The following TRANK1 variants were observed in gnomAD, a reference collection of about 807,000 sequenced individuals.
TRANK1 encodes the protein tetratricopeptide repeat and ankyrin repeat containing 1.
TRANK1 carries 198 observed loss-of-function variants against 266.0 expected under a neutral mutation model. That is an observed-to-expected ratio of 0.74 (90% confidence interval 0.66 to 0.84). TRANK1 has a LOEUF of 0.84. Ranked by LOEUF, TRANK1 falls within the 40% of genes least tolerant of loss-of-function variation. TRANK1 has a pLI of 0.00. For synonymous variants in TRANK1, 1,396 were observed against 1,384.1 expected, an observed-to-expected ratio of 1.01 and a Z score of -0.19; for missense variants, 3,326 against 3,634.6, an observed-to-expected ratio of 0.92 and a Z score of 2.18.
Position 36,834,762 on chromosome 3 carries a change from T to G in TRANK1, c.5663A>C (p.Lys1888Thr), listed in dbSNP as rs1177286682. Residue 1888 changes from lysine (K) to threonine (T), a missense_variant and splice_region_variant, in exon 21 of 24, where the codon AAG becomes ACG. Physicochemically the swap from Lys to Thr is moderately conservative, Grantham distance 78. Coordinates refer to ENST00000645898, the MANE Select transcript of TRANK1 (RefSeq NM_001329998.2). ...AAAGGGAGAGAATAAAACCACCTAC[T>G]TTTCCACTGCAATAGCAGCTTCTTC... ...LFEEAAIAVE[K>T]YEEMLKTKTL... The G allele has an allele frequency of 5.0e-6, 8 of 1,609,202 alleles. No homozygotes were observed. The East Asian group carries it at 1.1e-4, about 23-fold the overall frequency.
intron 3 of TRANK1, among the ~76,000 whole-genome samples, chr3:36,901,101 G>GTTTTTTTTTT: frequency 7.3e-6 from 1 of 136,990 alleles, no homozygotes; most frequent in Non-Finnish European, 1.6e-5. Flanking sequence ...ATTCAAGGTT[G>GTTTTTTTTTT]TTTTTTTTTT....
Position 36,831,149 on chromosome 3 carries a change from C to A in TRANK1, c.8434G>T (p.Glu2812Ter). 6.2e-7 allele frequency: 1 copy of A among 1,614,042 alleles called. No individual in the cohort carries two copies. The highest frequency in any genetic ancestry group is 8.5e-7 in the Non-Finnish European group (1 of 1,179,904). The change falls in exon 22 of 24, where the codon GAG (glutamate) becomes TAG (stop). Residue 2812 changes from glutamate (E) to a stop codon, truncating the protein, a stop_gained. Coordinates refer to ENST00000645898, the MANE Select transcript of TRANK1 (RefSeq NM_001329998.2). LOFTEE classifies it high-confidence loss of function. This position sits in a 1 kb window ranked among gnomAD's most constrained non-coding sequence, Gnocchi z 5.0. ...RAELEREECQ[E>*]RNSESYEQHI... Reference sequence around the variant, plus strand: ...TGCTCGTAAGACTCGCTGTTCCTCTCCTGACACTCCTCCCTTTCCAGCTCA... The same window carrying A: ...TGCTCGTAAGACTCGCTGTTCCTCTACTGACACTCCTCCCTTTCCAGCTCA...
At chr3:36,867,451 G>C (rs2079242916) in intron 9 of TRANK1, among the ~76,000 whole-genome samples, 1 of 152,222 alleles carries the variant, frequency 6.6e-6, no homozygotes, top group South Asian at 2.1e-4. Flanking sequence ...TTATAGATGA[G>C]CGAAAGATTC....
intron 3 of TRANK1, among the ~76,000 whole-genome samples, chr3:36,900,072 C>T (rs2079852699): frequency 6.6e-6 from 1 of 152,200 alleles, no homozygotes; most frequent in Non-Finnish European, 1.5e-5. Context: ...ATTGCCCAAA[C>T]TGGTCTTGAA....
At chr3:36,849,021 A>C (rs2078952198) in intron 15 of TRANK1, among the ~76,000 whole-genome samples, 1 of 152,198 alleles carries the variant, frequency 6.6e-6, no homozygotes, top group Non-Finnish European at 1.5e-5. Context: ...GCGCTTATGT[A>C]CTTGTAGCAA....
chr3:36,857,160 G>T lies in TRANK1; in HGVS notation c.2562C>A (p.Val854=). The change falls in exon 13 of 24, where the codon GTC becomes GTA. Residue 854 remains valine, a synonymous_variant. Transcript: ENST00000645898. This position sits in a 1 kb window ranked among gnomAD's most constrained non-coding sequence, Gnocchi z 4.3. ...KKLSSKVMTK[V]IKKKIILAIQ... ...TGGCAAGGATGATTTTCTTCTTGAT[G>T]ACCTTGGTCATTACCTTACTAGACA... The T allele has an allele frequency of 6.2e-7, 1 of 1,613,956 alleles. No individual in the cohort carries two copies. Among genetic ancestry groups the T allele is most frequent in the South Asian group, 1.1e-5 (1 of 91,072 alleles).
chr3:36,834,964 T>C, intron 20 of TRANK1, 57 bp from the exon 21 acceptor site: 1 of 1,455,124 alleles, frequency 6.9e-7, no homozygotes, highest in East Asian at 2.4e-5. Flanking sequence ...CTTTCTAATC[T>C]TAAACCAATA....
At chr3:36,839,195 G>A (rs1040824939) in intron 18 of TRANK1, among the ~76,000 whole-genome samples, 11 of 152,154 alleles carry the variant, frequency 7.2e-5, no homozygotes, top group African/African-American at 2.7e-4. Context: ...TGGGGATAAA[G>A]ATGGTATCAC....
intron 1 of TRANK1, among the ~76,000 whole-genome samples, chr3:36,920,387 T>TA (rs573709844): frequency 1.4e-4 from 22 of 152,252 alleles, no homozygotes; most frequent in Admixed American, 9.8e-4. Context: ...CCAAGCTCCT[T>TA]AGACTTAAGG....
chr3:36,832,802 T>C lies in TRANK1; in HGVS notation c.6781A>G (p.Met2261Val), dbSNP rs373150466. Reference protein sequence around the residue: ...KEIDYILSTDMYGLCKSILDV... With the variant: ...KEIDYILSTDVYGLCKSILDV... ...AGAATGGACTTGCAAAGGCCATACATATCTGTAGACAAAATATAATCAATT... is the reference window on the plus strand; with the variant it reads ...AGAATGGACTTGCAAAGGCCATACACATCTGTAGACAAAATATAATCAATT... Residue 2261 changes from methionine (M) to valine (V), a missense_variant, in exon 22 of 24, where the codon ATG becomes GTG. Physicochemically the swap from Met to Val is conservative, Grantham distance 21. Coordinates refer to ENST00000645898, the MANE Select transcript of TRANK1 (RefSeq NM_001329998.2). The C allele has an allele frequency of 5.7e-5, 92 of 1,613,916 alleles. No individual in the cohort carries two copies. Among genetic ancestry groups the C allele is most frequent in the Non-Finnish European group, 7.5e-5 (89 of 1,179,892 alleles).
At chr3:36,927,800 C>T (rs1000949825) in intron 1 of TRANK1, among the ~76,000 whole-genome samples, 13 of 152,282 alleles carry the variant, frequency 8.5e-5, no homozygotes, top group African/African-American at 2.9e-4. Context: ...GAAATTTAGC[C>T]TTCAATTCTT....
At chr3:36,929,807 A>G (rs1341492706) in intron 1 of TRANK1, among the ~76,000 whole-genome samples, 9 of 152,258 alleles carry the variant, frequency 5.9e-5, no homozygotes, top group Non-Finnish European at 1.0e-4. Context: ...TCTAATGACA[A>G]GAACTCTTTG....
At chr3:36,849,907 A>T in intron 15 of TRANK1, 2 of 538,904 alleles carry the variant, frequency 3.7e-6, no homozygotes, top group Non-Finnish European at 4.7e-6. Flanking sequence ...GTGGATGTTT[A>T]CAAAAGATTC....
intron 11 of TRANK1, among the ~76,000 whole-genome samples, chr3:36,859,503 G>A (rs531712364): frequency 1.3e-5 from 2 of 152,164 alleles, no homozygotes; most frequent in African/African-American, 2.4e-5. Flanking sequence ...CCACTTATGA[G>A]TGAGAACATG....
chr3:36,895,248 TAGC>T (rs1387276193), intron 5 of TRANK1, among the ~76,000 whole-genome samples: 1 of 152,066 alleles, frequency 6.6e-6, no homozygotes, highest in Non-Finnish European at 1.5e-5. Flanking sequence ...ACCCAAATGT[TAGC>T]AGCCCCTCAA....
Position 36,892,275 on chromosome 3 carries a change from G to A in TRANK1, c.702C>T (p.Ile234=). The A allele has an allele frequency of 1.3e-6, 2 of 1,537,144 alleles. No homozygotes were observed. Among genetic ancestry groups the A allele is most frequent in the African/African-American group, 1.4e-5 (1 of 73,138 alleles). Residue 234 remains isoleucine (I), a synonymous_variant, in exon 7 of 24, where the codon ATC becomes ATT. Coordinates refer to ENST00000645898, the MANE Select transcript of TRANK1 (RefSeq NM_001329998.2). ...TAGTCTCAACACTTGCACCAATGGA[G>A]ATGAGCCACTGGACTAACTTGGGCA... ...EQVPKLVQWL[I]SIGASVETIG...
intron 3 of TRANK1, among the ~76,000 whole-genome samples, chr3:36,901,129 A>T (rs1379879294): frequency 6.9e-6 from 1 of 144,084 alleles, no homozygotes; most frequent in Non-Finnish European, 1.5e-5. Context: ...GAGGAAGATG[A>T]AGGGGATCAG....
chr3:36,874,012 A>G (rs2079348579), intron 9 of TRANK1, 114 bp downstream of exon 9: 1 of 957,528 alleles, frequency 1.0e-6, no homozygotes, highest in Non-Finnish European at 1.4e-6. Context: ...TCTCACTTCC[A>G]TATATATATG....
chr3:36,879,039 C>T (rs1042296987), intron 8 of TRANK1, among the ~76,000 whole-genome samples: 12 of 151,850 alleles, frequency 7.9e-5, no homozygotes, highest in African/African-American at 2.9e-4. Context: ...ACTTGATACA[C>T]ATGGCTTCAG....
Sources: allele counts gnomAD v4.1 joint callset (sites outside exome capture counted in the v4.1 genomes callset), GRCh38; gene constraint gnomAD v4.1.1; non-coding constraint Gnocchi (gnomAD v3.1); transcripts MANE v1.5; gene names NCBI Gene and HGNC (gene_info 2026-07-23, HGNC 2026-07-21).